The following UST variants were observed in gnomAD, a reference collection of about 807,000 sequenced individuals.
UST encodes the protein uronyl 2-sulfotransferase.
UST carries 21 observed loss-of-function variants against 45.6 expected under a neutral mutation model. That is an observed-to-expected ratio of 0.46 (90% CI 0.33 to 0.66). UST has a LOEUF of 0.66. Ranked by LOEUF, UST falls within the 30% of genes least tolerant of loss-of-function variation. The pLI is 0.02. For synonymous variants in UST, 215 were observed against 200.6 expected, an observed-to-expected ratio of 1.07 and a Z score of -0.61; for missense variants, 463 against 512.4, an observed-to-expected ratio of 0.90 and a Z score of 0.93.
At chr6:148,920,837 T>C (rs1429982869) in intron 2 of UST, among the ~76,000 whole-genome samples, 1 of 152,270 alleles carries the variant, frequency 6.6e-6, no homozygotes, top group Non-Finnish European at 1.5e-5. Flanking sequence ...GCCTGCTCTT[T>C]TAAAAGCAAG....
intron 1 of UST, among the ~76,000 whole-genome samples, chr6:148,788,541 A>G (rs1392340762): frequency 6.6e-6 from 1 of 152,208 alleles, no homozygotes; most frequent in Non-Finnish European, 1.5e-5. Context: ...TTACATTCAT[A>G]AACTTGAGCC....
chr6:148,844,158 T>A (rs892072776), intron 1 of UST, among the ~76,000 whole-genome samples: 1 of 152,242 alleles, frequency 6.6e-6, no homozygotes. Flanking sequence ...TACTTCCATG[T>A]CACTTTTTTA....
intron 2 of UST, among the ~76,000 whole-genome samples, chr6:148,902,925 T>C (rs1239526584): frequency 2.0e-5 from 3 of 152,220 alleles, no homozygotes; most frequent in Non-Finnish European, 4.4e-5. Context: ...TGAATGTTCC[T>C]TATTATAACA....
rs149156122 is a variant in UST, at chr6:148,888,174, T to C, written c.291+1145T>C. On this transcript the variant is annotated intron_variant, in intron 2 of 7. Transcript: ENST00000367463. ...AAGGCAGAGAGGAAGCAGGCGCATC[T>C]TACGTGGCCAGAGCAGGAACAAGAG... 3.9e-3 allele frequency among the ~76,000 whole-genome samples: 591 copies of C among 152,224 alleles called. 4 individuals are homozygous for C. The highest frequency in any genetic ancestry group is 0.013 in the African/African-American group (547 of 41,552).
At chr6:148,962,263 C>T (rs1167218435) in intron 4 of UST, among the ~76,000 whole-genome samples, 1 of 152,254 alleles carries the variant, frequency 6.6e-6, no homozygotes, top group Non-Finnish European at 1.5e-5. Context: ...CAAGACTTCC[C>T]AGTCCTTACT....
chr6:148,903,303 C>T (rs2114867130), intron 2 of UST, among the ~76,000 whole-genome samples: 1 of 152,120 alleles, frequency 6.6e-6, no homozygotes, highest in Admixed American at 6.5e-5. Context: ...GGACATGTAC[C>T]TATTTAGTTG....
At chr6:148,872,051 G>T (rs983681248) in intron 1 of UST, among the ~76,000 whole-genome samples, 11 of 152,158 alleles carry the variant, frequency 7.2e-5, no homozygotes, top group African/African-American at 2.7e-4. Flanking sequence ...GTATGTGGCT[G>T]TGTGTGTGCA....
chr6:149,047,706 C>A (rs1353804134), intron 7 of UST, among the ~76,000 whole-genome samples: 1 of 152,144 alleles, frequency 6.6e-6, no homozygotes, highest in African/African-American at 2.4e-5. Flanking sequence ...AGAGGACAGA[C>A]CATGTTCATG....
At chr6:149,017,729 C>T (rs935984936) in intron 5 of UST, among the ~76,000 whole-genome samples, 14 of 151,630 alleles carry the variant, frequency 9.2e-5, no homozygotes, top group Admixed American at 3.3e-4. Context: ...ATCCCCCGTT[C>T]GTGAACATGT....
intron 2 of UST, among the ~76,000 whole-genome samples, chr6:148,907,125 A>AG (rs563868556): frequency 6.6e-6 from 1 of 152,346 alleles, no homozygotes; most frequent in East Asian, 1.9e-4. Context: ...ATAATGTGAG[A>AG]GAAAAAAAAT....
chr6:148,860,709 C>T lies in UST; in HGVS notation c.248-26277C>T, dbSNP rs865946645. The stretch of plus-strand genomic sequence containing the variant: ...TATTGAGAGTTTTTAGCATGAAGGG[C>T]TGTTGAATTTTGTCGAAGGCCTTTT... On this transcript the variant is annotated intron_variant, in intron 1 of 7. Coordinates refer to ENST00000367463, the MANE Select transcript of UST (RefSeq NM_005715.3). Among the ~76,000 whole-genome samples, 149 of 152,134 alleles carry T rather than the reference C, an allele frequency of 9.8e-4. 1 individual carries two copies. In the Middle Eastern group the frequency reaches 0.017, roughly 17 times the overall value.
chr6:148,980,618 G>A (rs1399527466), intron 5 of UST, among the ~76,000 whole-genome samples: 2 of 152,116 alleles, frequency 1.3e-5, no homozygotes, highest in Non-Finnish European at 2.9e-5. Flanking sequence ...CCAAATAAAC[G>A]CTAATCCAAC....
chr6:148,764,507 C>T (rs913478423), intron 1 of UST, among the ~76,000 whole-genome samples: 16 of 152,104 alleles, frequency 1.1e-4, no homozygotes, highest in African/African-American at 3.4e-4. Context: ...CAGGGGAACC[C>T]ACCCCCGATA....
At chr6:148,894,094 G>A (rs534570653) in intron 2 of UST, among the ~76,000 whole-genome samples, 10 of 152,238 alleles carry the variant, frequency 6.6e-5, no homozygotes, top group African/African-American at 2.4e-4. Context: ...TGGTAGGTGG[G>A]AAATTGAGAT....
chr6:148,864,168 G>A (rs187585642), intron 1 of UST, among the ~76,000 whole-genome samples: 2,262 of 152,220 alleles, frequency 0.015, 49 homozygotes, highest in African/African-American at 0.052. Flanking sequence ...TGAGCTTCCC[G>A]GCCACTTTGT....
At chr6:148,894,021 C>CA (rs1039375684) in intron 2 of UST, among the ~76,000 whole-genome samples, 1 of 151,316 alleles carries the variant, frequency 6.6e-6, no homozygotes, top group African/African-American at 2.4e-5. Flanking sequence ...TCTGTCTCTT[C>CA]AAAAAAAAGT....
At chr6:148,856,727 G>A (rs1335695089) in intron 1 of UST, among the ~76,000 whole-genome samples, 1 of 152,112 alleles carries the variant, frequency 6.6e-6, no homozygotes, top group East Asian at 1.9e-4. Context: ...GAACTGACTA[G>A]AATAGAAAAA....
chr6:148,877,970 G>C (rs111880356), intron 1 of UST, among the ~76,000 whole-genome samples: 9 of 90,436 alleles, frequency 1.0e-4, no homozygotes, highest in South Asian at 4.4e-4. Flanking sequence ...TGTATGAGTG[G>C]GGGGATCGTG....
intron 5 of UST, among the ~76,000 whole-genome samples, chr6:148,995,064 G>A (rs2500527): frequency 0.23 from 34,318 of 151,848 alleles, 4,033 homozygotes; most frequent in South Asian, 0.33. Context: ...TCACTCTGTC[G>A]CACAAGCTGG....
Sources: gnomAD v4.1 joint callset for allele counts (sites outside exome capture counted in the v4.1 genomes callset) on GRCh38, gnomAD v4.1.1 for gene constraint, MANE v1.5 for transcripts, NCBI Gene and HGNC (gene_info 2026-07-23, HGNC 2026-07-21) for gene names.